The following NRDE2 variants were observed in gnomAD, a reference collection of about 807,000 sequenced individuals.
The protein encoded by NRDE2 is NRDE-2, necessary for RNA interference, domain containing, also known as nuclear exosome regulator NRDE2.
A neutral mutation model predicts 124.2 loss-of-function variants in NRDE2; 76 were observed. That is an observed-to-expected ratio of 0.61 (90% CI 0.51 to 0.74). The LOEUF (loss-of-function observed/expected upper bound fraction) is 0.74. Ranked by LOEUF, NRDE2 falls within the 30% of genes least tolerant of loss-of-function variation. The probability of loss-of-function intolerance (pLI) is 0.00; values close to 1 mark genes in which losing one functional copy is unlikely to be tolerated. For synonymous variants in NRDE2, 489 were observed against 528.1 expected (o/e 0.93, Z 1.01); for missense variants, 1,314 against 1,417.3 (o/e 0.93, Z 1.17).
rs780203518 is a variant in NRDE2, at chr14:90,272,237, T to C, written c.*6099A>G. ...AATTCCTTGTTAGAATAAAAATGAG[T>C]ATGTCACTTTCTGAACACACTCTTC... On this transcript the variant is annotated 3_prime_UTR_variant, in exon 14 of 14. Transcript: ENST00000354366. The surrounding 1 kb of genome is among the most constrained non-coding windows in gnomAD (Gnocchi z 4.5). 2.5e-6 allele frequency: 4 copies of C among 1,596,772 alleles called. No homozygotes were observed. The highest frequency in any genetic ancestry group is 3.4e-6 in the Non-Finnish European group (4 of 1,175,818).
chr14:90,286,302 A>C, intron 12 of NRDE2, 52 bp downstream of exon 12: 1 of 1,559,854 alleles, frequency 6.4e-7, no homozygotes. Flanking sequence ...CTCATTTATG[A>C]AGGAAGAGGT....
intron 7 of NRDE2, among the ~76,000 whole-genome samples, chr14:90,300,338 A>AT (rs1378595132): frequency 6.6e-6 from 1 of 152,110 alleles, no homozygotes; most frequent in African/African-American, 2.4e-5. Context: ...CTTTAATCCA[A>AT]TTTTTTCTAG....
intron 12 of NRDE2, among the ~76,000 whole-genome samples, chr14:90,282,669 C>T (rs1181739760): frequency 6.6e-6 from 1 of 151,776 alleles, no homozygotes; most frequent in African/African-American, 2.4e-5. Flanking sequence ...TTAATTCCTT[C>T]AAACTTTTTT....
rs912266735 is a variant in NRDE2, at chr14:90,318,867, C to G, written c.65-754G>C. On this transcript the variant is annotated intron_variant, in intron 1 of 13. Transcript: ENST00000354366. ...AAGCCCACCATGCTTAATATTATTA[C>G]AGAAGATTAAGATCTTTTAAAAAAT... is the stretch of plus-strand genomic sequence containing the variant. Among the ~76,000 whole-genome samples, 2 of 152,144 alleles carry G rather than the reference C, an allele frequency of 1.3e-5. 1 individual carries two copies. The highest frequency in any genetic ancestry group is 4.1e-4 in the South Asian group (2 of 4,826).
rs1333837002 is a variant in NRDE2, at chr14:90,267,923, C to G, written c.*10413G>C. On this transcript the variant is annotated 3_prime_UTR_variant, in exon 14 of 14. Transcript: ENST00000354366. ...ATTCTTCGTACAGGTAATTATAGTT[C>G]GCAGCTTTTCAGGGGAAACTGGGTC... The G allele has an allele frequency of 2.5e-5, 7 of 281,150 alleles. No homozygotes were observed. In the East Asian group the frequency reaches 5.3e-4, roughly 21 times the overall value. 17.4% of individuals were successfully genotyped at this position (281,150 alleles called of 1,614,324 possible).
intron 12 of NRDE2, among the ~76,000 whole-genome samples, chr14:90,282,828 C>T (rs998828477): frequency 3.9e-5 from 6 of 152,182 alleles, no homozygotes; most frequent in African/African-American, 7.2e-5. Context: ...CCACTACGCC[C>T]GGCTAATTTT....
chr14:90,304,160 T>C lies in NRDE2; in HGVS notation c.780A>G (p.Glu260=). The change falls in exon 5 of 14, where the codon GAA becomes GAG. Residue 260 remains glutamate (E), a synonymous_variant. Transcript: ENST00000354366. The part of the protein sequence containing the change: ...PISFIPVKDL[E]DAAPVTTWLN... ...ACCAGGTTGTAACAGGAGCCGCATC[T>C]TCCAAGTCCTTCACTGGTATAAAGG... The C allele has an allele frequency of 6.2e-7, 1 of 1,614,218 alleles. No homozygotes were observed. Among genetic ancestry groups the C allele is most frequent in the South Asian group, 1.1e-5 (1 of 91,086 alleles).
chr14:90,327,887 T>C (rs1343126949), intron 1 of NRDE2, among the ~76,000 whole-genome samples: 1 of 152,104 alleles, frequency 6.6e-6, no homozygotes, highest in East Asian at 1.9e-4. Flanking sequence ...CTCACACCTG[T>C]AATCCCAGCA....
In NRDE2 at chr14:90,324,074, C is replaced by T. The variant is rs1412784388; in HGVS notation, c.65-5961G>A. ...GCACGCTCTCTAATTCAAACAAGGT[C>T]TGGATCAGAGAAAGCTAACTGAGAA... is the stretch of plus-strand genomic sequence containing the variant. On this transcript the variant is annotated intron_variant, in intron 1 of 13. Transcript: ENST00000354366. Among the ~76,000 whole-genome samples the T allele has an allele frequency of 2.0e-5, 3 of 152,092 alleles. No homozygotes were observed. In the East Asian group the frequency reaches 5.8e-4, roughly 29 times the overall value.
chr14:90,323,952 G>T (rs1157169876), intron 1 of NRDE2, among the ~76,000 whole-genome samples: 2 of 152,094 alleles, frequency 1.3e-5, no homozygotes, highest in East Asian at 3.8e-4. Flanking sequence ...CGATGAATAA[G>T]ACAAACCCAA....
rs1423996272 is a variant in NRDE2 at position 90,272,659 on chromosome 14, C to T, written c.*5677G>A. 5 of 327,628 alleles carry T rather than the reference C, an allele frequency of 1.5e-5. No individual in the cohort carries two copies. Among genetic ancestry groups the T allele is most frequent in the South Asian group, 3.9e-5 (1 of 25,340 alleles). The allele number at this position is 327,628 out of a possible 1,614,324, so 20.3% of individuals were successfully genotyped here. A position where few individuals can be genotyped will look rare whatever the true frequency, so the allele number is the denominator to read the frequency against. On this transcript the variant is annotated 3_prime_UTR_variant, in exon 14 of 14. Coordinates refer to ENST00000354366, the MANE Select transcript of NRDE2 (RefSeq NM_017970.4). This position sits in a 1 kb window ranked among gnomAD's most constrained non-coding sequence, Gnocchi z 4.5. Reference sequence around the variant, plus strand: ...TTCTGCAGTCTCCACACACACCTACCGCTCAACAGCAGCCTGTGGGTGGAC... The same window carrying T: ...TTCTGCAGTCTCCACACACACCTACTGCTCAACAGCAGCCTGTGGGTGGAC...
chr14:90,301,377 G>C lies in NRDE2; in HGVS notation c.1412-5C>G. 6.2e-7 allele frequency: 1 copy of C among 1,613,530 alleles called. No individual in the cohort carries two copies. The highest frequency in any genetic ancestry group is 8.5e-7 in the Non-Finnish European group (1 of 1,179,770). On this transcript the variant is annotated splice_region_variant and splice_polypyrimidine_tract_variant and intron_variant, in intron 6 of 13. Transcript: ENST00000354366. ...GGCACTGCTGAAGAAAGAGTGCTGC[G>C]AACAGGAGGGCAAAGGGGAAGAAGC... is the stretch of plus-strand genomic sequence containing the variant.
rs1029692204 is a variant in NRDE2 at position 90,316,629 on chromosome 14, T to C, written c.356A>G (p.Asp119Gly). ...RSETDTDSEKDKPSRGVGGSK... is the reference protein window; with the variant it reads ...RSETDTDSEKGKPSRGVGGSK... Reference sequence around the variant, plus strand: ...GCCTCCAACGCCTCTGGAAGGTTTGTCCTTTTCAGAATCGGTGTCTGTCTC... The same window carrying C: ...GCCTCCAACGCCTCTGGAAGGTTTGCCCTTTTCAGAATCGGTGTCTGTCTC... The change falls in exon 3 of 14, where the codon GAC (aspartate) becomes GGC (glycine). Residue 119 changes from aspartate to glycine, a missense_variant. Asp to Gly is a moderately conservative substitution (Grantham distance 94). Coordinates refer to ENST00000354366, the MANE Select transcript of NRDE2 (RefSeq NM_017970.4). 2.5e-6 allele frequency: 4 copies of C among 1,614,070 alleles called. No individual in the cohort carries two copies. In the African/African-American group the frequency reaches 5.3e-5, roughly 22 times the overall value.
At chr14:90,319,269 G>A (rs565432111) in intron 1 of NRDE2, among the ~76,000 whole-genome samples, 5 of 152,262 alleles carry the variant, frequency 3.3e-5, no homozygotes, top group African/African-American at 4.8e-5. Flanking sequence ...GGAAGAACCC[G>A]TTAAATGGTT....
At chr14:90,300,546 A>T (rs765900319) in intron 7 of NRDE2, among the ~76,000 whole-genome samples, 2 of 151,954 alleles carry the variant, frequency 1.3e-5, no homozygotes, top group Non-Finnish European at 2.9e-5. Context: ...ATTTTCTTAT[A>T]TACATAGCTC....
Position 90,278,224 on chromosome 14 carries a change from G to C in NRDE2, c.*112C>G. 3.8e-6 allele frequency: 5 copies of C among 1,304,452 alleles called. No homozygotes were observed. The highest frequency in any genetic ancestry group is 5.4e-6 in the Non-Finnish European group (5 of 927,250). 80.8% of individuals were successfully genotyped at this position (1,304,452 alleles called of 1,614,324 possible). A position where few individuals can be genotyped will look rare whatever the true frequency, so the allele number is the denominator to read the frequency against. On this transcript the variant is annotated 3_prime_UTR_variant, in exon 14 of 14. Coordinates refer to ENST00000354366, the MANE Select transcript of NRDE2 (RefSeq NM_017970.4). ...AGCCCACATTATTACTATCGAGAAA[G>C]AACATTTCAAAAGCCGAGTTCTCCT...
intron 8 of NRDE2, among the ~76,000 whole-genome samples, chr14:90,294,969 A>T (rs1406100743): frequency 6.6e-6 from 1 of 152,210 alleles, no homozygotes. Flanking sequence ...AGACGTGGCT[A>T]AGAAAGGATA....
rs1163207874 is a variant in NRDE2, at chr14:90,278,369, C to T, written c.3462G>A (p.Pro1154=). ...CCAGCAGCAGCTCCAGCTCCTCCAGCGGCAGGCGCACCCGGAGCTCCTTCT... is the reference window on the plus strand; with the variant it reads ...CCAGCAGCAGCTCCAGCTCCTCCAGTGGCAGGCGCACCCGGAGCTCCTTCT... ...MTEKELRVRL[P]LEELELLLED Residue 1154 remains proline, a synonymous_variant, in exon 14 of 14, where the codon CCG becomes CCA. Coordinates refer to ENST00000354366, the MANE Select transcript of NRDE2 (RefSeq NM_017970.4). 1.2e-5 allele frequency: 20 copies of T among 1,614,000 alleles called. No individual in the cohort carries two copies. Among genetic ancestry groups the T allele is most frequent in the Admixed American group, 5.0e-5 (3 of 60,004 alleles).
Position 90,268,301 on chromosome 14 carries a change from CA to C in NRDE2, c.*10034del. On this transcript the variant is annotated 3_prime_UTR_variant, in exon 14 of 14. Coordinates refer to ENST00000354366, the MANE Select transcript of NRDE2 (RefSeq NM_017970.4). ...GAGAGTGGTTGGCTCTGAACTTATT[CA>C]GAAGTACCTAGGTGATGGGCCCAAA... 1 of 1,612,794 alleles carries C rather than the reference CA, an allele frequency of 6.2e-7. No homozygotes were observed. Among genetic ancestry groups the C allele is most frequent in the Non-Finnish European group, 8.5e-7 (1 of 1,179,122 alleles).
Sources: gnomAD v4.1 joint callset for allele counts (sites outside exome capture counted in the v4.1 genomes callset) on GRCh38, gnomAD v4.1.1 for gene constraint, Gnocchi (gnomAD v3.1) non-coding constraint, MANE v1.5 for transcripts, NCBI Gene and HGNC (gene_info 2026-07-23, HGNC 2026-07-21) for gene names.